AGBL4: variants seen among roughly 807,000 people sequenced by gnomAD.
The protein encoded by AGBL4 is cytosolic carboxypeptidase 6.
Under a neutral mutation model 66.4 loss-of-function variants are expected in AGBL4, and 58 were observed. That is an observed-to-expected ratio of 0.87 (90% confidence interval 0.71 to 1.09). The LOEUF (loss-of-function observed/expected upper bound fraction) is 1.09. Among genes scored for constraint, AGBL4 ranks in the 50% least tolerant of loss-of-function variants. The pLI, the probability that AGBL4 is intolerant of heterozygous loss-of-function variation, is 0.00. For missense variants in AGBL4, 579 were observed against 631.0 expected (o/e 0.92, Z 0.88); for synonymous variants, 234 against 222.9 (o/e 1.05, Z -0.44).
intron 3 of AGBL4, among the ~76,000 whole-genome samples, chr1:49,316,372 C>A (rs1481772971): frequency 6.6e-6 from 1 of 151,452 alleles, no homozygotes; most frequent in East Asian, 1.9e-4. Flanking sequence ...AGGGGGTAAA[C>A]AAAACATCTG....
intron 3 of AGBL4, among the ~76,000 whole-genome samples, chr1:49,551,542 T>C (rs1008884665): frequency 6.6e-6 from 1 of 152,208 alleles, no homozygotes; most frequent in Non-Finnish European, 1.5e-5. Context: ...TGCTGTTAGC[T>C]GAACTGCAGT....
At chr1:49,614,787 A>G (rs1171015230) in intron 3 of AGBL4, among the ~76,000 whole-genome samples, 1 of 152,148 alleles carries the variant, frequency 6.6e-6, no homozygotes, top group Non-Finnish European at 1.5e-5. Flanking sequence ...TTGTGCTACT[A>G]CACTATACTC....
chr1:49,277,758 T>C (rs1025083910), intron 3 of AGBL4, among the ~76,000 whole-genome samples: 4 of 145,706 alleles, frequency 2.7e-5, no homozygotes, highest in Non-Finnish European at 6.0e-5. Flanking sequence ...AAAAGACGGG[T>C]GTTCTTTTTC....
chr1:49,955,262 T>A (rs1380992814), intron 1 of AGBL4, among the ~76,000 whole-genome samples: 1 of 151,960 alleles, frequency 6.6e-6, no homozygotes, highest in Non-Finnish European at 1.5e-5. Context: ...CCACAGAAGT[T>A]TCATTGAGTA....
At chr1:49,703,756 A>G (rs926162567) in intron 2 of AGBL4, among the ~76,000 whole-genome samples, 2 of 152,042 alleles carry the variant, frequency 1.3e-5, no homozygotes, top group African/African-American at 2.4e-5. Context: ...AAAGATTAGG[A>G]AAGAGGAAAT....
intron 2 of AGBL4, among the ~76,000 whole-genome samples, chr1:49,719,019 C>T (rs1648386050): frequency 6.6e-6 from 1 of 151,916 alleles, no homozygotes; most frequent in African/African-American, 2.4e-5. Context: ...ATTGAAATGC[C>T]CATTAGAATA....
intron 2 of AGBL4, among the ~76,000 whole-genome samples, chr1:49,789,663 C>T (rs1644545860): frequency 6.6e-6 from 1 of 152,110 alleles, no homozygotes; most frequent in South Asian, 2.1e-4. Flanking sequence ...AACTACAAAC[C>T]ACTGCTCAAG....
intron 9 of AGBL4, among the ~76,000 whole-genome samples, chr1:48,605,546 T>C (rs1645142216): frequency 6.6e-6 from 1 of 152,220 alleles, no homozygotes; most frequent in South Asian, 2.1e-4. Context: ...CAACCCTTCT[T>C]TTTTATTGTA....
intron 6 of AGBL4, among the ~76,000 whole-genome samples, chr1:48,763,355 A>C (rs1189837318): frequency 1.3e-5 from 2 of 152,208 alleles, no homozygotes; most frequent in Non-Finnish European, 2.9e-5. Flanking sequence ...GGGTTTTCTA[A>C]AAGAGCAACA....
chr1:49,952,396 T>A (rs1656239778), intron 1 of AGBL4, among the ~76,000 whole-genome samples: 1 of 151,896 alleles, frequency 6.6e-6, no homozygotes, highest in Admixed American at 6.6e-5. Flanking sequence ...GCATTTCTCA[T>A]GGACAGGAAA....
downstream of AGBL4, among the ~76,000 whole-genome samples, chr1:48,531,123 T>C (rs952769538): frequency 1.3e-5 from 2 of 152,184 alleles, no homozygotes; most frequent in Non-Finnish European, 2.9e-5. Flanking sequence ...CAGTCCTTTT[T>C]TTCTGCTCTG....
chr1:49,075,687 G>A (rs982880171), intron 4 of AGBL4, among the ~76,000 whole-genome samples: 1 of 152,272 alleles, frequency 6.6e-6, no homozygotes, highest in Admixed American at 6.5e-5. Context: ...AGATTGGTCC[G>A]AGGACAGGGA....
intron 3 of AGBL4, among the ~76,000 whole-genome samples, chr1:49,677,112 C>T (rs748128308): frequency 4.6e-5 from 7 of 152,016 alleles, no homozygotes; most frequent in Non-Finnish European, 1.0e-4. Context: ...CCAAAAGAGG[C>T]TATTGCTCTC....
intron 3 of AGBL4, among the ~76,000 whole-genome samples, chr1:49,508,777 A>G (rs539941252): frequency 1.3e-5 from 2 of 151,990 alleles, no homozygotes; most frequent in Non-Finnish European, 2.9e-5. Context: ...ACATTAAGAA[A>G]AATGAGGTAT....
chr1:49,173,388 A>G (rs1269125757), intron 4 of AGBL4, among the ~76,000 whole-genome samples: 1 of 152,182 alleles, frequency 6.6e-6, no homozygotes, highest in Non-Finnish European at 1.5e-5. Context: ...ACTAGAAAAG[A>G]GTAGAGCTAG....
At chr1:49,753,257 A>G (rs1351983651) in intron 2 of AGBL4, among the ~76,000 whole-genome samples, 1 of 152,344 alleles carries the variant, frequency 6.6e-6, no homozygotes, top group African/African-American at 2.4e-5. Flanking sequence ...TTGCACGGGC[A>G]AGGCTGATGG....
intron 3 of AGBL4, among the ~76,000 whole-genome samples, chr1:49,509,793 T>C (rs1470626802): frequency 2.6e-5 from 4 of 151,840 alleles, no homozygotes; most frequent in Admixed American, 2.0e-4. Flanking sequence ...TCCTCATCCA[T>C]AAAATAGGGG....
chr1:49,368,299 T>C (rs963620321), intron 3 of AGBL4, among the ~76,000 whole-genome samples: 2 of 152,186 alleles, frequency 1.3e-5, no homozygotes, highest in Non-Finnish European at 2.9e-5. Flanking sequence ...CTGGGAAATA[T>C]GGAATTTTAT....
rs111886547 is a variant in AGBL4 at position 49,829,095 on chromosome 1, A to G, written c.157+22301T>C. On this transcript the variant is annotated intron_variant, in intron 2 of 13. Transcript: ENST00000371839. ...AAAAAAAAAAAAGAAAGAAAGAAAG[A>G]AAGGAAGCAAGAGCAACATATGTTA... Among the ~76,000 whole-genome samples the G allele has an allele frequency of 5.7e-3, 858 of 151,758 alleles. 5 individuals carry two copies. Among genetic ancestry groups the G allele is most frequent in the Non-Finnish European group, 7.1e-3 (484 of 67,952 alleles).
Sources: allele counts gnomAD v4.1 joint callset (sites outside exome capture counted in the v4.1 genomes callset), GRCh38; gene constraint gnomAD v4.1.1; transcripts MANE v1.5; gene names NCBI Gene and HGNC (gene_info 2026-07-23, HGNC 2026-07-21).